The following STX8 variants were observed in gnomAD, a reference collection of about 807,000 sequenced individuals.
STX8 encodes the protein syntaxin 8.
In STX8, 23 loss-of-function variants were observed where a neutral mutation model predicts 37.5. That is an observed-to-expected ratio of 0.61 (90% CI 0.44 to 0.87). The LOEUF (loss-of-function observed/expected upper bound fraction) is 0.87, where lower values mean the gene tolerates loss of function less well. STX8 is among the 40% of genes least tolerant of loss of function. STX8 has a pLI of 0.00. For missense variants in STX8, 313 were observed against 284.7 expected, an observed-to-expected ratio of 1.10 and a Z score of -0.71; for synonymous variants, 115 against 99.1, an observed-to-expected ratio of 1.16 and a Z score of -0.95.
chr17:9,326,637 C>A (rs1417932115), intron 7 of STX8, among the ~76,000 whole-genome samples: 1 of 152,126 alleles, frequency 6.6e-6, no homozygotes, highest in African/African-American at 2.4e-5. Flanking sequence ...GGTCCTGTGT[C>A]CTGAGGCAGA....
intron 4 of STX8, among the ~76,000 whole-genome samples, chr17:9,537,635 T>C (rs1906111527): frequency 6.6e-6 from 1 of 152,154 alleles, no homozygotes; most frequent in African/African-American, 2.4e-5. Context: ...TATACCCAAC[T>C]CTGGGCTGGA....
At chr17:9,404,029 A>G (rs990098760) in intron 6 of STX8, among the ~76,000 whole-genome samples, 2 of 96,346 alleles carry the variant, frequency 2.1e-5, no homozygotes, top group Non-Finnish European at 4.2e-5. Flanking sequence ...TAAACAGTCA[A>G]TTAACATATT....
chr17:9,439,070 A>AT (rs887759311), intron 6 of STX8, among the ~76,000 whole-genome samples: 1 of 151,974 alleles, frequency 6.6e-6, no homozygotes. Flanking sequence ...ATAGCTTTTG[A>AT]TTTTTTTTCA....
chr17:9,364,633 C>A (rs1420967245), intron 7 of STX8, among the ~76,000 whole-genome samples: 1 of 151,962 alleles, frequency 6.6e-6, no homozygotes, highest in South Asian at 2.1e-4. Flanking sequence ...TGGGTTCAAG[C>A]GATTCTCCTG....
At chr17:9,556,021 G>A (rs986624014) in intron 3 of STX8, among the ~76,000 whole-genome samples, 3 of 152,172 alleles carry the variant, frequency 2.0e-5, no homozygotes, top group African/African-American at 4.8e-5. Context: ...ACACCAGATG[G>A]AAGGTAAAGT....
chr17:9,304,147 G>C (rs182034160), intron 7 of STX8, among the ~76,000 whole-genome samples: 13 of 150,692 alleles, frequency 8.6e-5, no homozygotes, highest in Admixed American at 8.6e-4. Flanking sequence ...AGACTGTTAA[G>C]AAAAAAAAAG....
intron 7 of STX8, among the ~76,000 whole-genome samples, chr17:9,360,333 C>G (rs1911022508): frequency 7.0e-6 from 1 of 143,282 alleles, no homozygotes; most frequent in Non-Finnish European, 1.5e-5. Flanking sequence ...CTCCCGGGTT[C>G]AAGCGATTCT....
chr17:9,286,799 C>T (rs565378556), intron 7 of STX8, among the ~76,000 whole-genome samples: 8 of 151,668 alleles, frequency 5.3e-5, no homozygotes, highest in Middle Eastern at 3.4e-3. Flanking sequence ...CCCTGCAAAA[C>T]CCCAGAGACT....
At chr17:9,573,080 A>AACCCC (rs1907746427) in intron 1 of STX8, among the ~76,000 whole-genome samples, 2 of 101,578 alleles carry the variant, frequency 2.0e-5, no homozygotes, top group Admixed American at 1.1e-4. Context: ...CACCCCCAAC[A>AACCCC]CCCCCCCCCA....
intron 3 of STX8, among the ~76,000 whole-genome samples, chr17:9,552,460 T>A (rs1022676708): frequency 6.6e-6 from 1 of 152,156 alleles, no homozygotes. Flanking sequence ...AGGGACAGTG[T>A]TTGAAAACCA....
At position 9,450,148 on chromosome 17, in the gene STX8, G is replaced by A. The variant is rs1029555352; in HGVS notation, c.541+41681C>T. On this transcript the variant is annotated intron_variant, in intron 6 of 7. Transcript: ENST00000306357. ...GGCTAGAGTGCAGTGGTGCGATCTT[G>A]GCTTACAGCAACCTCTGCCTCCCAG... 8.6e-5 allele frequency among the ~76,000 whole-genome samples: 13 copies of A among 151,616 alleles called. 1 individual carries two copies. Among genetic ancestry groups the A allele is most frequent in the African/African-American group, 3.2e-4 (13 of 41,038 alleles).
intron 6 of STX8, among the ~76,000 whole-genome samples, chr17:9,428,334 G>A (rs561179099): frequency 2.0e-5 from 3 of 152,234 alleles, no homozygotes; most frequent in Admixed American, 6.5e-5. Flanking sequence ...TCCGCCTCCC[G>A]GGTTCATGCC....
chr17:9,505,677 ATGTG>A (rs1904796381), intron 4 of STX8, among the ~76,000 whole-genome samples: 1 of 152,206 alleles, frequency 6.6e-6, no homozygotes, highest in African/African-American at 2.4e-5. Context: ...GCAGTGGCTC[ATGTG>A]TGTAATCCCA....
intron 6 of STX8, among the ~76,000 whole-genome samples, chr17:9,430,848 AC>A (rs1275267018): frequency 1.3e-5 from 2 of 151,992 alleles, no homozygotes; most frequent in African/African-American, 4.8e-5. Context: ...ACGGGATTTC[AC>A]CATGTTAGCC....
intron 6 of STX8, among the ~76,000 whole-genome samples, chr17:9,479,236 T>C (rs1046634988): frequency 6.6e-6 from 1 of 152,108 alleles, no homozygotes; most frequent in Non-Finnish European, 1.5e-5. Context: ...ACTTAATATA[T>C]AGTATACCAT....
intron 7 of STX8, among the ~76,000 whole-genome samples, chr17:9,314,906 A>G (rs1276156104): frequency 2.7e-5 from 4 of 150,672 alleles, no homozygotes; most frequent in African/African-American, 7.3e-5. Context: ...GATCGAGACC[A>G]TCCTGGCCAA....
chr17:9,408,464 A>G (rs1292003187), intron 6 of STX8, among the ~76,000 whole-genome samples: 1 of 152,348 alleles, frequency 6.6e-6, no homozygotes, highest in East Asian at 1.9e-4. Flanking sequence ...GTTATGAATC[A>G]GTCTTTCAAG....
rs1036458675 is a variant in STX8 at position 9,368,539 on chromosome 17, C to T, written c.643+10013G>A. ...AGAAAACATTGATGATCCCAACACCCAGCCCCCTGCCTTACCCATGTCCTG... is the reference window on the plus strand; with the variant it reads ...AGAAAACATTGATGATCCCAACACCTAGCCCCCTGCCTTACCCATGTCCTG... On this transcript the variant is annotated intron_variant, in intron 7 of 7. Coordinates refer to ENST00000306357, the MANE Select transcript of STX8 (RefSeq NM_004853.3). Among the ~76,000 whole-genome samples the T allele has an allele frequency of 3.7e-4, 57 of 152,200 alleles. 1 individual carries two copies. Among genetic ancestry groups the T allele is most frequent in the Middle Eastern group, 3.4e-3 (1 of 294 alleles).
In STX8 at chr17:9,348,417, C is replaced by CAA. The variant is rs1190839413; in HGVS notation, c.643+30133_643+30134dup. The stretch of plus-strand genomic sequence containing the variant: ...TGGGCAACAGAGCAAGACTCTGTCT[C>CAA]AAAAAAAAAAAAAAAAAAAAGAATA... On this transcript the variant is annotated intron_variant, in intron 7 of 7. Coordinates refer to ENST00000306357, the MANE Select transcript of STX8 (RefSeq NM_004853.3). Among the ~76,000 whole-genome samples the CAA allele has an allele frequency of 4.1e-3, 409 of 99,410 alleles. 5 individuals carry two copies. Among genetic ancestry groups the CAA allele is most frequent in the African/African-American group, 0.012 (325 of 26,884 alleles). 65.2% of individuals were successfully genotyped at this position (99,410 alleles called of 152,430 possible).
Sources: allele counts gnomAD v4.1 joint callset (sites outside exome capture counted in the v4.1 genomes callset), GRCh38; gene constraint gnomAD v4.1.1; transcripts MANE v1.5; gene names NCBI Gene and HGNC (gene_info 2026-07-23, HGNC 2026-07-21).